The following EPN2 variants were observed in gnomAD, a reference collection of about 807,000 sequenced individuals.
EPN2 encodes epsin-2.
A neutral mutation model predicts 61.7 loss-of-function variants in EPN2; 34 were observed. The observed-to-expected ratio is 0.55, with a 90% confidence interval of 0.42 to 0.73. EPN2 has a LOEUF of 0.73. Ranked by LOEUF, EPN2 falls within the 30% of genes least tolerant of loss-of-function variation. The pLI, the probability that EPN2 is intolerant of heterozygous loss-of-function variation, is 0.00. For missense variants in EPN2, 714 were observed against 839.2 expected, an observed-to-expected ratio of 0.85 and a Z score of 1.84; for synonymous variants, 349 against 353.6, an observed-to-expected ratio of 0.99 and a Z score of 0.15.
In EPN2 at chr17:19,278,228, G is replaced by A. The variant is rs56843002; in HGVS notation, c.-293-3727G>A. On this transcript the variant is annotated intron_variant, in intron 1 of 10. Coordinates refer to ENST00000314728, the MANE Select transcript of EPN2 (RefSeq NM_014964.5). ...TGAGCTCAAGTGATCTGCCCGCCTC[G>A]GCTTCCCAAAGTGCTGGGATTACAG... Among the ~76,000 whole-genome samples the A allele has an allele frequency of 6.5e-3, 994 of 152,140 alleles. 54 individuals carry two copies. The East Asian group carries it at 0.12, about 18-fold the overall frequency.
chr17:19,289,724 G>GTTTTGTTTT (rs772230550), intron 4 of EPN2, among the ~76,000 whole-genome samples: 1,036 of 77,832 alleles, frequency 0.013, no homozygotes, highest in Non-Finnish European at 0.02. Flanking sequence ...GGCGCTCATG[G>GTTTTGTTTT]TTTTTTTTTT....
intron 1 of EPN2, among the ~76,000 whole-genome samples, chr17:19,268,406 G>C (rs115287163): frequency 6.6e-6 from 1 of 152,216 alleles, no homozygotes; most frequent in African/African-American, 2.4e-5. Flanking sequence ...CGTCCAGGCT[G>C]AAGTATAGTG....
chr17:19,318,482 G>T (rs1180104854), intron 7 of EPN2, among the ~76,000 whole-genome samples: 1 of 137,650 alleles, frequency 7.3e-6, no homozygotes, highest in Non-Finnish European at 1.5e-5. Context: ...CCCGGGAGGC[G>T]GAGGTTGCAG....
intron 1 of EPN2, among the ~76,000 whole-genome samples, chr17:19,266,560 G>A (rs981822727): frequency 1.3e-5 from 2 of 151,832 alleles, no homozygotes; most frequent in Non-Finnish European, 2.9e-5. Flanking sequence ...CCGCTACCAC[G>A]CCTGGCTAAT....
At chr17:19,273,092 G>A (rs1484642351) in intron 1 of EPN2, 1 of 152,170 alleles carries the variant, frequency 6.6e-6, no homozygotes, top group Non-Finnish European at 1.5e-5. Flanking sequence ...GTTCTAGGAG[G>A]CCAAGTGACA....
chr17:19,309,701 C>G lies in EPN2; in HGVS notation c.767-184C>G, dbSNP rs145582872. Among the ~76,000 whole-genome samples, 305 of 152,340 alleles carry G rather than the reference C, an allele frequency of 2.0e-3. 3 individuals carry two copies. The highest frequency in any genetic ancestry group is 0.017 in the Middle Eastern group (5 of 294). On this transcript the variant is annotated intron_variant, in intron 4 of 10. Transcript: ENST00000314728. Reference sequence around the variant, plus strand: ...CTGTAGTTGGGAAAGCTACGTTTGACTGTCACTTGATTTTAACATTCAAAT... The same window carrying G: ...CTGTAGTTGGGAAAGCTACGTTTGAGTGTCACTTGATTTTAACATTCAAAT...
intron 1 of EPN2, among the ~76,000 whole-genome samples, chr17:19,240,593 G>A (rs1186048575): frequency 6.6e-6 from 1 of 152,178 alleles, no homozygotes; most frequent in East Asian, 1.9e-4. Context: ...GAATTACGTA[G>A]TTTGTATCCC....
At chr17:19,256,446 C>T (rs1030899856) in intron 1 of EPN2, among the ~76,000 whole-genome samples, 7 of 141,268 alleles carry the variant, frequency 5.0e-5, no homozygotes, top group African/African-American at 1.9e-4. Flanking sequence ...AAAAAAAGTT[C>T]CTTAACAATT....
intron 7 of EPN2, among the ~76,000 whole-genome samples, chr17:19,315,957 G>T (rs1021202472): frequency 1.3e-5 from 2 of 152,172 alleles, no homozygotes; most frequent in Admixed American, 1.3e-4. Context: ...TTGCCTCTCT[G>T]GACATTTCAT....
At chr17:19,279,658 A>C (rs1597990615) in intron 1 of EPN2, among the ~76,000 whole-genome samples, 1 of 150,822 alleles carries the variant, frequency 6.6e-6, no homozygotes, top group Admixed American at 6.6e-5. Flanking sequence ...GATGGTCTTG[A>C]TCTCCTGACC....
chr17:19,254,484 T>C (rs1025294694), intron 1 of EPN2, among the ~76,000 whole-genome samples: 2 of 152,092 alleles, frequency 1.3e-5, no homozygotes, highest in African/African-American at 4.8e-5. Flanking sequence ...GAGGTTGCAG[T>C]GAGCTAAGAT....
intron 1 of EPN2, among the ~76,000 whole-genome samples, chr17:19,237,786 T>TC: frequency 6.6e-6 from 1 of 150,418 alleles, no homozygotes. Flanking sequence ...TGCAAGGATC[T>TC]CCCCCCTTAC....
chr17:19,259,875 C>T (rs1018146263), intron 1 of EPN2, among the ~76,000 whole-genome samples: 2 of 152,202 alleles, frequency 1.3e-5, no homozygotes, highest in African/African-American at 4.8e-5. Flanking sequence ...ACTGCTTTGG[C>T]CTGTGGCGTT....
intron 4 of EPN2, among the ~76,000 whole-genome samples, chr17:19,295,342 A>G (rs1455339970): frequency 1.1e-4 from 5 of 45,642 alleles, no homozygotes; most frequent in African/African-American, 5.4e-4. Flanking sequence ...TATTAAAAAT[A>G]CACACACACA....
intron 1 of EPN2, chr17:19,249,661 T>C (rs2044992480): frequency 1.3e-5 from 2 of 152,322 alleles, no homozygotes; most frequent in Non-Finnish European, 2.9e-5. Flanking sequence ...CTTAGGTGGA[T>C]TGAGCTCACA....
At chr17:19,277,806 C>T (rs1203682322) in intron 1 of EPN2, among the ~76,000 whole-genome samples, 2 of 151,856 alleles carry the variant, frequency 1.3e-5, no homozygotes, top group African/African-American at 2.4e-5. Flanking sequence ...GGCGCGGTGG[C>T]TCACGCCTGT....
chr17:19,285,117 A>C lies in EPN2; in HGVS notation c.596-503A>C, dbSNP rs186674201. Reference sequence around the variant, plus strand: ...CTCTCTTTGGATTGAGTTGGTCCCAACCTGCCTTGACTTCCTCTGTCCCTG... The same window carrying C: ...CTCTCTTTGGATTGAGTTGGTCCCACCCTGCCTTGACTTCCTCTGTCCCTG... On this transcript the variant is annotated intron_variant, in intron 3 of 10. Transcript: ENST00000314728. This position sits in a 1 kb window ranked among gnomAD's most constrained non-coding sequence, Gnocchi z 4.5. Among the ~76,000 whole-genome samples, 10 of 152,280 alleles carry C rather than the reference A, an allele frequency of 6.6e-5. No individual in the cohort carries two copies. The East Asian group carries it at 1.9e-3, about 29-fold the overall frequency.
chr17:19,279,518 A>T (rs556433478), intron 1 of EPN2, among the ~76,000 whole-genome samples: 62 of 151,352 alleles, frequency 4.1e-4, no homozygotes, highest in Non-Finnish European at 7.1e-4. Flanking sequence ...AGCTCACTGC[A>T]AGCTCTGCCT....
intron 1 of EPN2, chr17:19,273,416 T>C (rs2045275067): frequency 1.3e-5 from 2 of 152,236 alleles, no homozygotes; most frequent in African/African-American, 2.4e-5. Flanking sequence ...TTTCCTGCTC[T>C]ACTGTCTAGA....
Sources: allele counts gnomAD v4.1 joint callset (sites outside exome capture counted in the v4.1 genomes callset), GRCh38; gene constraint gnomAD v4.1.1; non-coding constraint Gnocchi (gnomAD v3.1); transcripts MANE v1.5; gene names NCBI Gene and HGNC (gene_info 2026-07-23, HGNC 2026-07-21).